Variants in TMC7 observed in about 807,000 individuals in gnomAD.
TMC7 encodes transmembrane channel-like protein 7.
A neutral mutation model predicts 82.9 loss-of-function variants in TMC7; 54 were observed. The ratio of observed to expected loss-of-function variants is 0.65; its 90% CI spans 0.52 to 0.82. The LOEUF (loss-of-function observed/expected upper bound fraction) is 0.82. Among genes scored for constraint, TMC7 ranks in the 40% least tolerant of loss-of-function variants. The probability of loss-of-function intolerance (pLI) is 0.00; values close to 1 mark genes in which losing one functional copy is unlikely to be tolerated. For synonymous variants in TMC7, 350 were observed against 337.9 expected (o/e 1.04, Z -0.39); for missense variants, 820 against 901.2 (o/e 0.91, Z 1.15).
chr16:18,988,425 G>T (rs1461015832), intron 1 of TMC7, among the ~76,000 whole-genome samples: 1 of 151,732 alleles, frequency 6.6e-6, no homozygotes, highest in East Asian at 2.0e-4. Context: ...AAAGTGCTGG[G>T]ACTACAGGCG....
rs539275487 is a variant in TMC7, at chr16:19,063,480, G to A, written c.*1637G>A. ...AGGCATGAGAATCACTTGAACCTGG[G>A]AGGTGAAGGCTGCAGTGTGCGAGAC... On this transcript the variant is annotated 3_prime_UTR_variant, in exon 16 of 16. Transcript: ENST00000304381. The A allele has an allele frequency of 1.3e-5, 2 of 152,328 alleles. No individual in the cohort carries two copies. The highest frequency in any genetic ancestry group is 4.8e-5 in the African/African-American group (2 of 41,534). 9.4% of individuals were successfully genotyped at this position (152,328 alleles called of 1,614,324 possible).
intron 15 of TMC7, 61 bp downstream of exon 15, chr16:19,059,555 A>G: frequency 1.9e-6 from 3 of 1,613,958 alleles, no homozygotes; most frequent in Non-Finnish European, 2.5e-6. Context: ...CACTGCAAGG[A>G]AAGTGCTGTT....
intron 1 of TMC7, among the ~76,000 whole-genome samples, chr16:18,997,561 G>C (rs1302776573): frequency 6.6e-6 from 1 of 151,546 alleles, no homozygotes; most frequent in African/African-American, 2.4e-5. Flanking sequence ...GTAGAGACAG[G>C]GTTTCGCCAT....
intron 7 of TMC7, among the ~76,000 whole-genome samples, chr16:19,036,432 C>T (rs528940709): frequency 3.3e-5 from 5 of 151,846 alleles, no homozygotes; most frequent in Admixed American, 1.3e-4. Flanking sequence ...TCGCTTGAAC[C>T]GGGAGGCAGA....
intron 1 of TMC7, among the ~76,000 whole-genome samples, chr16:19,001,465 G>C (rs2039139591): frequency 6.6e-6 from 1 of 152,178 alleles, no homozygotes; most frequent in Non-Finnish European, 1.5e-5. Context: ...AGGATCACTT[G>C]AGCCCAGAAG....
chr16:19,025,329 C>G (rs1475339084), intron 5 of TMC7, among the ~76,000 whole-genome samples: 1 of 151,972 alleles, frequency 6.6e-6, no homozygotes, highest in Non-Finnish European at 1.5e-5. Context: ...TATCAAAATA[C>G]CATACCGGCC....
chr16:18,994,131 G>A (rs2038997932), intron 1 of TMC7, among the ~76,000 whole-genome samples: 1 of 152,128 alleles, frequency 6.6e-6, no homozygotes, highest in Non-Finnish European at 1.5e-5. Context: ...TGGTAAGTGT[G>A]GGAGACTCAA....
At chr16:19,018,425 G>T (rs1441268452) in intron 3 of TMC7, among the ~76,000 whole-genome samples, 1 of 152,132 alleles carries the variant, frequency 6.6e-6, no homozygotes, top group Admixed American at 6.6e-5. Context: ...CTTTGAGTGT[G>T]CTCTGAGAAA....
chr16:19,034,865 T>C (rs909854459), intron 6 of TMC7, among the ~76,000 whole-genome samples: 1 of 152,054 alleles, frequency 6.6e-6, no homozygotes, highest in African/African-American at 2.4e-5. Flanking sequence ...TATAGTTACA[T>C]GGGAGGAGAG....
chr16:18,984,495 GCC>G (rs2038809016), intron 1 of TMC7: 1 of 1,062,200 alleles, frequency 9.4e-7, no homozygotes, highest in Non-Finnish European at 1.1e-6. Context: ...TGAGGTGCCT[GCC>G]TCCCGGACAT....
At chr16:19,059,894 T>TGG in intron 15 of TMC7, 1 of 470,466 alleles carries the variant, frequency 2.1e-6, no homozygotes, top group Admixed American at 3.4e-5. Flanking sequence ...GGAGAATCCC[T>TGG]TGAACTCAGG....
intron 1 of TMC7, among the ~76,000 whole-genome samples, chr16:19,001,417 A>T (rs922594260): frequency 1.3e-5 from 2 of 152,198 alleles, no homozygotes; most frequent in African/African-American, 4.8e-5. Flanking sequence ...GTGGTGGTTC[A>T]CACCTATAGT....
At chr16:19,046,386 C>A (rs2142287407) in intron 11 of TMC7, among the ~76,000 whole-genome samples, 1 of 152,306 alleles carries the variant, frequency 6.6e-6, no homozygotes, top group South Asian at 2.1e-4. Context: ...GAGAACACTC[C>A]ACAGTATAGA....
chr16:19,045,362 C>T lies in TMC7; in HGVS notation c.1477C>T (p.Gln493Ter), dbSNP rs768139373. 6.2e-7 allele frequency: 1 copy of T among 1,613,938 alleles called. No individual in the cohort carries two copies. Among genetic ancestry groups the T allele is most frequent in the South Asian group, 1.1e-5 (1 of 91,084 alleles). The change falls in exon 11 of 16, where the codon CAG becomes TAG. Residue 493 changes from glutamine (Q) to a stop codon, truncating the protein, a stop_gained. Coordinates refer to ENST00000304381, the MANE Select transcript of TMC7 (RefSeq NM_024847.4). LOFTEE classifies it high-confidence loss of function. ...LYPCWETQVG[Q>*]EMYKLMIFDF... ...TCAGTGCTGGGAGACCCAAGTTGGG[C>T]AGGAAATGTACAAGCTGATGATCTT... is the stretch of plus-strand genomic sequence containing the variant.
chr16:19,047,050 T>G lies in TMC7; in HGVS notation c.1554-13T>G, dbSNP rs1209670175. ...AGACACCAGTAGCCCAAATGAGAATTGTCTGTTTCCAGGCTCCTGGTGACC... is the reference window on the plus strand; with the variant it reads ...AGACACCAGTAGCCCAAATGAGAATGGTCTGTTTCCAGGCTCCTGGTGACC... On this transcript the variant is annotated splice_polypyrimidine_tract_variant and intron_variant, in intron 11 of 15. Coordinates refer to ENST00000304381, the MANE Select transcript of TMC7 (RefSeq NM_024847.4). 6.3e-7 allele frequency: 1 copy of G among 1,591,104 alleles called. No individual in the cohort carries two copies. The highest frequency in any genetic ancestry group is 1.4e-5 in the African/African-American group (1 of 74,008).
intron 5 of TMC7, 109 bp from the exon 6 acceptor site, chr16:19,030,115 A>C: frequency 8.7e-7 from 1 of 1,147,658 alleles, no homozygotes; most frequent in Non-Finnish European, 1.2e-6. Context: ...CTGGGGATAC[A>C]GAGAGGAAAG....
At chr16:19,008,432 G>A (rs552382701) in intron 1 of TMC7, among the ~76,000 whole-genome samples, 1 of 152,320 alleles carries the variant, frequency 6.6e-6, no homozygotes, top group African/African-American at 2.4e-5. Flanking sequence ...TCTGTGGTTA[G>A]CAGGGCGGTC....
chr16:19,019,258 G>T (rs1596750294), intron 3 of TMC7, among the ~76,000 whole-genome samples: 2 of 152,206 alleles, frequency 1.3e-5, no homozygotes, highest in East Asian at 3.8e-4. Context: ...CAAAGGAAAT[G>T]ATTGTCTCCA....
At chr16:19,036,519 A>G (rs528525795) in intron 7 of TMC7, among the ~76,000 whole-genome samples, 1 of 146,470 alleles carries the variant, frequency 6.8e-6, no homozygotes, top group East Asian at 2.0e-4. Context: ...AAAAAGAAAA[A>G]AAAAGTACAA....
Sources: allele counts gnomAD v4.1 joint callset (sites outside exome capture counted in the v4.1 genomes callset), GRCh38; gene constraint gnomAD v4.1.1; transcripts MANE v1.5; gene names NCBI Gene and HGNC (gene_info 2026-07-23, HGNC 2026-07-21).